The following CA7 variants were observed in gnomAD, a reference collection of about 807,000 sequenced individuals.
CA7 encodes carbonic anhydrase 7, also known as carbonate dehydratase VII.
A neutral mutation model predicts 31.4 loss-of-function variants in CA7; 13 were observed. That is an observed-to-expected ratio of 0.41 (90% CI 0.27 to 0.66). CA7 has a LOEUF of 0.66. CA7 is among the 30% of genes least tolerant of loss of function. CA7 has a pLI of 0.28. For synonymous variants in CA7, 128 were observed against 133.2 expected (o/e 0.96, Z 0.27); for missense variants, 215 against 351.0 (o/e 0.61, Z 3.10).
intron 1 of CA7, chr16:66,844,879 C>CG (rs1960891371): frequency 9.4e-7 from 1 of 1,067,640 alleles, no homozygotes; most frequent in Non-Finnish European, 1.1e-6. Flanking sequence ...CCCAGGGCAG[C>CG]GGGGGGCGGG....
At chr16:66,849,058 A>G (rs1038372131) in intron 2 of CA7, among the ~76,000 whole-genome samples, 1 of 152,170 alleles carries the variant, frequency 6.6e-6, no homozygotes, top group Non-Finnish European at 1.5e-5. Flanking sequence ...CTGGTCACCC[A>G]TCATGGAAGG....
chr16:66,847,964 G>A (rs1960962614), intron 2 of CA7, among the ~76,000 whole-genome samples: 1 of 152,174 alleles, frequency 6.6e-6, no homozygotes, highest in Non-Finnish European at 1.5e-5. Flanking sequence ...TGGGCCTTAC[G>A]ACTGGGTAGA....
intron 5 of CA7, 142 bp from the exon 6 acceptor site, chr16:66,852,570 A>C: frequency 1.8e-6 from 1 of 554,130 alleles, no homozygotes. Context: ...AAGAAAGAAA[A>C]AGAAAGAAAA....
intron 1 of CA7, chr16:66,844,884 G>GGCGGGCGCCGCGGAGCGCTGTGC: frequency 9.3e-7 from 1 of 1,070,110 alleles, no homozygotes; most frequent in Non-Finnish European, 1.1e-6. Context: ...GGCAGCGGGG[G>GGCGGGCGCCGCGGAGCGCTGTGC]GCGGGCGCCG....
intron 5 of CA7, among the ~76,000 whole-genome samples, chr16:66,852,462 CA>C (rs1354471173): frequency 1.0e-5 from 1 of 95,552 alleles, no homozygotes; most frequent in East Asian, 3.2e-4. Flanking sequence ...GACTCCACCT[CA>C]AAAAAAAAGA....
intron 1 of CA7, among the ~76,000 whole-genome samples, chr16:66,846,063 G>A (rs964155708): frequency 1.3e-5 from 2 of 152,190 alleles, no homozygotes; most frequent in African/African-American, 2.4e-5. Context: ...GCCGGCAGTA[G>A]CTCTAAAAAT....
chr16:66,844,569 G>C (rs896616611), intron 1 of CA7, 42 bp downstream of exon 1: 1 of 1,499,674 alleles, frequency 6.7e-7, no homozygotes, highest in African/African-American at 1.4e-5. Context: ...TCGGACCCCC[G>C]ACCCAACTGC....
rs1433970252 is a variant in CA7 at position 66,853,769 on chromosome 16, TC to T, written c.*273del. 2.3e-6 allele frequency: 1 copy of T among 426,222 alleles called. No homozygotes were observed. Among genetic ancestry groups the T allele is most frequent in the Non-Finnish European group, 4.3e-6 (1 of 234,340 alleles). The allele number at this position is 426,222 out of a possible 1,614,324, so 26.4% of individuals were successfully genotyped here. A position where few individuals can be genotyped will look rare whatever the true frequency, so the allele number is the denominator to read the frequency against. On this transcript the variant is annotated 3_prime_UTR_variant, in exon 7 of 7. Transcript: ENST00000338437. This position sits in a 1 kb window ranked among gnomAD's most constrained non-coding sequence, Gnocchi z 4.5. Reference sequence around the variant, plus strand: ...CCAAGACCCAAAGACCCTGGGAACCTCCTCTGGTCTTCCCCACTGGCAGTGG... The same window carrying T: ...CCAAGACCCAAAGACCCTGGGAACCTCTCTGGTCTTCCCCACTGGCAGTGG...
intron 2 of CA7, among the ~76,000 whole-genome samples, chr16:66,850,122 CAAAAAA>C (rs4000640): frequency 1.2e-5 from 1 of 82,690 alleles, no homozygotes; most frequent in Non-Finnish European, 2.3e-5. Context: ...GACTCCATCT[CAAAAAA>C]AAAAAAAAAA....
At chr16:66,852,946 C>A in intron 6 of CA7, 79 bp downstream of exon 6, 2 of 1,300,032 alleles carry the variant, frequency 1.5e-6, no homozygotes, top group South Asian at 1.5e-5. Flanking sequence ...CCAACTAGCA[C>A]CCCACAGCCC....
intron 1 of CA7, among the ~76,000 whole-genome samples, chr16:66,846,174 G>GGTGTGTGTGTGT (rs4000639): frequency 1.4e-5 from 2 of 147,460 alleles, no homozygotes; most frequent in African/African-American, 5.0e-5. Context: ...TGTGTATGCA[G>GGTGTGTGTGTGT]GTGTGTGTGT....
At position 66,850,535 on chromosome 16, in the gene CA7, C is replaced by T; in HGVS notation, c.239-6C>T. On this transcript the variant is annotated splice_polypyrimidine_tract_variant and splice_region_variant and intron_variant, in intron 2 of 6. Transcript: ENST00000338437. ...TCATTGCCACTCGCCCCACTTCTAC[C>T]CACAGTGGTGACTGGGGGCCCCCTG... 6.5e-7 allele frequency: 1 copy of T among 1,550,106 alleles called. No individual in the cohort carries two copies. The highest frequency in any genetic ancestry group is 2.2e-5 in the East Asian group (1 of 44,584).
At chr16:66,848,131 A>T (rs1341731660) in intron 2 of CA7, among the ~76,000 whole-genome samples, 1 of 152,232 alleles carries the variant, frequency 6.6e-6, no homozygotes, top group African/African-American at 2.4e-5. Context: ...GGCAAAGAGG[A>T]TGAAGGAAGC....
intron 5 of CA7, 84 bp from the exon 6 acceptor site, chr16:66,852,628 A>G: frequency 1.1e-6 from 1 of 919,882 alleles, no homozygotes; most frequent in Non-Finnish European, 1.5e-6. Context: ...AGAAAAAAGA[A>G]AGAAAGAGAT....
At chr16:66,852,325 T>C (rs1367324771) in intron 5 of CA7, among the ~76,000 whole-genome samples, 1 of 151,954 alleles carries the variant, frequency 6.6e-6, no homozygotes, top group Non-Finnish European at 1.5e-5. Flanking sequence ...TAGCCAGGTA[T>C]GGTGGTGCAT....
chr16:66,844,774 GCCT>G lies in CA7; in HGVS notation c.40+253_40+255del, dbSNP rs1484156671. On this transcript the variant is annotated intron_variant, in intron 1 of 6. Transcript: ENST00000338437. Reference sequence around the variant, plus strand: ...AGCGACCTGGCGGCTGTGTCCTGCCGCCTCCTCCGCGAAGCCCCTGATTGCCCA... The same window carrying G: ...AGCGACCTGGCGGCTGTGTCCTGCCGCCTCCGCGAAGCCCCTGATTGCCCA... Among the ~76,000 whole-genome samples, 5 of 152,332 alleles carry G rather than the reference GCCT, an allele frequency of 3.3e-5. No homozygotes were observed. The East Asian group carries it at 9.7e-4, about 29-fold the overall frequency.
intron 2 of CA7, among the ~76,000 whole-genome samples, chr16:66,849,882 G>C (rs1447928507): frequency 6.6e-6 from 1 of 152,202 alleles, no homozygotes; most frequent in Non-Finnish European, 1.5e-5. Flanking sequence ...ACTTTGGAAG[G>C]CTGAGGTGGG....
chr16:66,845,404 C>T (rs1031995238), intron 1 of CA7, among the ~76,000 whole-genome samples: 1 of 151,970 alleles, frequency 6.6e-6, no homozygotes, highest in Non-Finnish European at 1.5e-5. Context: ...GAGGAACATC[C>T]CCCAGCCCCA....
intron 2 of CA7, among the ~76,000 whole-genome samples, chr16:66,848,724 A>T (rs1335419376): frequency 1.3e-5 from 2 of 152,196 alleles, no homozygotes; most frequent in Non-Finnish European, 2.9e-5. Flanking sequence ...CTGTGTGTGA[A>T]CTGGGGGAGG....
Sources: gnomAD v4.1 joint callset for allele counts (sites outside exome capture counted in the v4.1 genomes callset) on GRCh38, gnomAD v4.1.1 for gene constraint, Gnocchi (gnomAD v3.1) non-coding constraint, MANE v1.5 for transcripts, NCBI Gene and HGNC (gene_info 2026-07-23, HGNC 2026-07-21) for gene names.